The following LTBP1 variants were observed in gnomAD, a reference collection of about 807,000 sequenced individuals.
The protein encoded by LTBP1 is latent-transforming growth factor beta-binding protein 1.
In LTBP1, 129 loss-of-function variants were observed where a neutral mutation model predicts 207.6. That is an observed-to-expected ratio of 0.62 (90% CI 0.54 to 0.72). The LOEUF is 0.72. Ranked by LOEUF, LTBP1 falls within the 30% of genes least tolerant of loss-of-function variation. LTBP1 has a pLI of 0.00. For synonymous variants in LTBP1, 963 were observed against 833.7 expected, an observed-to-expected ratio of 1.16 and a Z score of -2.67; for missense variants, 2,281 against 2,217.2, an observed-to-expected ratio of 1.03 and a Z score of -0.58.
chr2:33,145,502 T>TC (rs2082954390), intron 5 of LTBP1, among the ~76,000 whole-genome samples: 2 of 152,230 alleles, frequency 1.3e-5, no homozygotes, highest in Non-Finnish European at 2.9e-5. Flanking sequence ...TCCTGGCAAG[T>TC]TAGGAAGTAT....
At chr2:33,180,480 C>T in intron 5 of LTBP1, among the ~76,000 whole-genome samples, 1 of 141,172 alleles carries the variant, frequency 7.1e-6, no homozygotes, top group Non-Finnish European at 1.5e-5. Flanking sequence ...TTGACAGGGT[C>T]TCACTCTGTC....
chr2:33,037,261 C>T (rs150699272), intron 3 of LTBP1, among the ~76,000 whole-genome samples: 1 of 152,328 alleles, frequency 6.6e-6, no homozygotes, highest in East Asian at 1.9e-4. Flanking sequence ...CTCTATCCTA[C>T]TGTGTTGGTC....
At chr2:33,312,854 T>G (rs901371366) in intron 23 of LTBP1, among the ~76,000 whole-genome samples, 1 of 152,116 alleles carries the variant, frequency 6.6e-6, no homozygotes, top group Admixed American at 6.5e-5. Flanking sequence ...TAGGATAAAA[T>G]AAGAAGAGGG....
chr2:33,282,684 A>G (rs772232595), intron 19 of LTBP1, among the ~76,000 whole-genome samples: 4 of 152,214 alleles, frequency 2.6e-5, no homozygotes, highest in Non-Finnish European at 4.4e-5. Flanking sequence ...CTCATCACTA[A>G]CATAACTGGA....
At chr2:33,162,924 A>G (rs1023200900) in intron 5 of LTBP1, among the ~76,000 whole-genome samples, 1 of 152,200 alleles carries the variant, frequency 6.6e-6, no homozygotes, top group African/African-American at 2.4e-5. Flanking sequence ...GCTCTGGGAA[A>G]GAGAGTAAGA....
At chr2:33,105,143 C>G (rs985692653) in intron 3 of LTBP1, among the ~76,000 whole-genome samples, 1 of 152,122 alleles carries the variant, frequency 6.6e-6, no homozygotes, top group Non-Finnish European at 1.5e-5. Flanking sequence ...ACCAGCCTTC[C>G]TCCCAAAGTC....
chr2:33,032,143 T>A (rs527790913), intron 3 of LTBP1, among the ~76,000 whole-genome samples: 6 of 152,284 alleles, frequency 3.9e-5, no homozygotes, highest in African/African-American at 1.4e-4. Context: ...CTATGTTAAA[T>A]GGAATGATAT....
chr2:33,038,991 G>A (rs1055240709), intron 3 of LTBP1, among the ~76,000 whole-genome samples: 5 of 152,090 alleles, frequency 3.3e-5, no homozygotes, highest in African/African-American at 4.8e-5. Context: ...TCCAGTTCCC[G>A]CCCTTTGTCT....
At chr2:33,094,236 G>A (rs1249912211) in intron 3 of LTBP1, among the ~76,000 whole-genome samples, 1 of 152,162 alleles carries the variant, frequency 6.6e-6, no homozygotes, top group Admixed American at 6.5e-5. Flanking sequence ...ATGCAAAACA[G>A]TGAGAGAGTC....
intron 24 of LTBP1, among the ~76,000 whole-genome samples, chr2:33,326,596 C>A (rs1048614421): frequency 2.0e-5 from 3 of 149,504 alleles, no homozygotes; most frequent in Admixed American, 6.6e-5. Flanking sequence ...ATTTACCCTG[C>A]TTTTTTGTCT....
At chr2:33,359,320 A>G (rs192167347) in intron 26 of LTBP1, among the ~76,000 whole-genome samples, 1 of 152,374 alleles carries the variant, frequency 6.6e-6, no homozygotes, top group African/African-American at 2.4e-5. Flanking sequence ...CTTTTCGGAT[A>G]GAATTTTATG....
At chr2:33,072,105 GT>G (rs2149756210) in intron 3 of LTBP1, among the ~76,000 whole-genome samples, 1 of 152,284 alleles carries the variant, frequency 6.6e-6, no homozygotes, top group Non-Finnish European at 1.5e-5. Flanking sequence ...TCAAGTTGGG[GT>G]TCCCATGATC....
At chr2:33,149,901 TA>T (rs1282596346) in intron 5 of LTBP1, among the ~76,000 whole-genome samples, 5 of 152,210 alleles carry the variant, frequency 3.3e-5, no homozygotes, top group Non-Finnish European at 7.3e-5. Flanking sequence ...CACTTTCAAA[TA>T]AACATAACAC....
Position 33,187,096 on chromosome 2 carries a change from T to G in LTBP1, c.1426+16T>G. On this transcript the variant is annotated intron_variant, in intron 6 of 33. Coordinates refer to ENST00000404816, the MANE Select transcript of LTBP1 (RefSeq NM_206943.4). ...GGAGTCAAAGGTAAGCTTTTTTCAT[T>G]CCGCCCATTTGCCAGACCTCTGTTA... 1 of 1,609,670 alleles carries G rather than the reference T, an allele frequency of 6.2e-7. No individual in the cohort carries two copies. Among genetic ancestry groups the G allele is most frequent in the Non-Finnish European group, 8.5e-7 (1 of 1,176,622 alleles).
intron 5 of LTBP1, among the ~76,000 whole-genome samples, chr2:33,166,066 TG>T (rs775502508): frequency 4.4e-3 from 489 of 110,024 alleles, no homozygotes; most frequent in Non-Finnish European, 4.9e-3. Flanking sequence ...GAGTAATGTA[TG>T]TTTTTTTTTT....
chr2:33,184,781 G>GT (rs34063170), intron 5 of LTBP1, among the ~76,000 whole-genome samples: 2,120 of 136,356 alleles, frequency 0.016, 59 homozygotes, highest in African/African-American at 0.052. Flanking sequence ...AGTATTTTCT[G>GT]TTTTTTTTTT....
intron 2 of LTBP1, among the ~76,000 whole-genome samples, chr2:33,002,943 G>A (rs1686252717): frequency 6.6e-6 from 1 of 152,154 alleles, no homozygotes. Context: ...CTCCCAAAAT[G>A]CTGGGATTAC....
chr2:33,150,704 C>CTTTTTTTTTTTTTTTTTTT (rs1211013076), intron 5 of LTBP1, among the ~76,000 whole-genome samples: 1 of 108,838 alleles, frequency 9.2e-6, no homozygotes, highest in African/African-American at 3.5e-5. Flanking sequence ...TTTCTTTTTT[C>CTTTTTTTTTTTTTTTTTTT]TTTTTCTTTT....
chr2:33,170,844 G>A (rs1410380738), intron 5 of LTBP1, among the ~76,000 whole-genome samples: 2 of 152,044 alleles, frequency 1.3e-5, no homozygotes, highest in East Asian at 1.9e-4. Context: ...AGCAGCATTC[G>A]CGGTTCACGA....
Sources: allele counts gnomAD v4.1 joint callset (sites outside exome capture counted in the v4.1 genomes callset), GRCh38; gene constraint gnomAD v4.1.1; transcripts MANE v1.5; gene names NCBI Gene and HGNC (gene_info 2026-07-23, HGNC 2026-07-21).